The following PIK3C2G variants were observed in gnomAD, a reference collection of about 807,000 sequenced individuals.
PIK3C2G encodes phosphatidylinositol 3-kinase C2 domain-containing subunit gamma.
Under a neutral mutation model 181.1 loss-of-function variants are expected in PIK3C2G, and 168 were observed. The observed-to-expected ratio is 0.93, with a 90% CI of 0.82 to 1.05. The LOEUF (loss-of-function observed/expected upper bound fraction) is 1.05. Ranked by LOEUF, PIK3C2G falls within the 50% of genes least tolerant of loss-of-function variation. PIK3C2G has a pLI of 0.00. For missense variants in PIK3C2G, 1,869 were observed against 1,732.8 expected, an observed-to-expected ratio of 1.08 and a Z score of -1.40; for synonymous variants, 573 against 592.2, an observed-to-expected ratio of 0.97 and a Z score of 0.47.
At position 18,443,916 on chromosome 12, in the gene PIK3C2G, C is replaced by G. The variant is rs186168131; in HGVS notation, c.2504+19877C>G. Among the ~76,000 whole-genome samples the G allele has an allele frequency of 2.6e-5, 4 of 152,298 alleles. No individual in the cohort carries two copies. In the East Asian group the frequency reaches 7.7e-4, roughly 29 times the overall value. ...CCTTGACGCCCAAGAATTATTCACA[C>G]AGTTGCCACTTCAACATTCCCAATT... is the stretch of plus-strand genomic sequence containing the variant. On this transcript the variant is annotated intron_variant, in intron 18 of 32. Coordinates refer to ENST00000538779, the MANE Select transcript of PIK3C2G (RefSeq NM_001288772.2).
At chr12:18,553,518 G>A (rs1228413168) in intron 26 of PIK3C2G, among the ~76,000 whole-genome samples, 2 of 152,058 alleles carry the variant, frequency 1.3e-5, no homozygotes, top group Non-Finnish European at 2.9e-5. Flanking sequence ...TTTGAATGCA[G>A]TTTGGTGCCT....
intron 18 of PIK3C2G, chr12:18,425,201 C>T (rs1487588014): frequency 1.3e-5 from 2 of 157,526 alleles, no homozygotes; most frequent in Non-Finnish European, 2.8e-5. Context: ...AAATAGATTT[C>T]TCAATAATGT....
intron 18 of PIK3C2G, among the ~76,000 whole-genome samples, chr12:18,478,254 A>G (rs1016584955): frequency 1.3e-5 from 2 of 152,148 alleles, no homozygotes; most frequent in African/African-American, 4.8e-5. Flanking sequence ...TTAATTATAT[A>G]TCAAGCAAAA....
At chr12:18,337,439 T>C (rs541568303) in intron 8 of PIK3C2G, among the ~76,000 whole-genome samples, 1 of 152,250 alleles carries the variant, frequency 6.6e-6, no homozygotes, top group East Asian at 1.9e-4. Context: ...CATTTTTGTG[T>C]TGCTATAAAG....
intron 2 of PIK3C2G, among the ~76,000 whole-genome samples, chr12:18,284,220 T>G (rs1173316621): frequency 1.3e-5 from 2 of 152,098 alleles, no homozygotes; most frequent in Non-Finnish European, 2.9e-5. Context: ...CGCAGAAATT[T>G]GGGCCAAATT....
intron 29 of PIK3C2G, among the ~76,000 whole-genome samples, chr12:18,579,709 G>C (rs1389789841): frequency 6.6e-6 from 1 of 152,120 alleles, no homozygotes; most frequent in Non-Finnish European, 1.5e-5. Flanking sequence ...ATGGATTTAA[G>C]CTTTTTTTCT....
rs373054205 is a variant in PIK3C2G at position 18,539,656 on chromosome 12, C to G, written c.3480+1344C>G. 9.4e-4 allele frequency among the ~76,000 whole-genome samples: 143 copies of G among 151,956 alleles called. 1 individual carries two copies. The highest frequency in any genetic ancestry group is 8.7e-3 in the South Asian group (42 of 4,816). ...AAACTTCCATCACCACAGAAAAGTTCCATTGGTTAGTACAGAACAAATGTT... is the reference window on the plus strand; with the variant it reads ...AAACTTCCATCACCACAGAAAAGTTGCATTGGTTAGTACAGAACAAATGTT... On this transcript the variant is annotated intron_variant, in intron 25 of 32. Coordinates refer to ENST00000538779, the MANE Select transcript of PIK3C2G (RefSeq NM_001288772.2).
chr12:18,353,144 T>C (rs186252675), intron 11 of PIK3C2G, among the ~76,000 whole-genome samples: 29 of 152,186 alleles, frequency 1.9e-4, no homozygotes, highest in Non-Finnish European at 4.0e-4. Context: ...CATTAAAATA[T>C]GGAAGATGAC....
At chr12:18,716,050 G>C in the PIK3C2G span, among the ~76,000 whole-genome samples, 2 of 152,186 alleles carry the variant, frequency 1.3e-5, no homozygotes, top group African/African-American at 4.8e-5. Flanking sequence ...TTGGCTTACG[G>C]ATTTATTTAT....
At chr12:18,625,585 G>A (rs948148341) in intron 31 of PIK3C2G, among the ~76,000 whole-genome samples, 2 of 151,746 alleles carry the variant, frequency 1.3e-5, no homozygotes, top group East Asian at 1.9e-4. Flanking sequence ...TTAATTTTCT[G>A]TATGGATGAT....
chr12:18,626,278 A>G (rs1949093198), intron 31 of PIK3C2G, among the ~76,000 whole-genome samples: 1 of 151,972 alleles, frequency 6.6e-6, no homozygotes, highest in Non-Finnish European at 1.5e-5. Context: ...ATAACAATGT[A>G]ACTTTCATTG....
chr12:18,257,019 A>T (rs937014793), upstream of PIK3C2G, among the ~76,000 whole-genome samples: 5 of 152,140 alleles, frequency 3.3e-5, no homozygotes, highest in African/African-American at 1.2e-4. Context: ...CTCTGGATTC[A>T]GGGAAACAGC....
intron 30 of PIK3C2G, among the ~76,000 whole-genome samples, chr12:18,598,590 A>G (rs1226419014): frequency 1.3e-5 from 2 of 151,330 alleles, no homozygotes; most frequent in South Asian, 2.1e-4. Context: ...AGGCATGGGC[A>G]AGGACTTCAT....
chr12:18,688,039 T>A, the PIK3C2G span: 1 of 1,598,966 alleles, frequency 6.3e-7, no homozygotes, highest in African/African-American at 1.3e-5. Context: ...TTTGTAAGCT[T>A]TCCAACAAGA....
At chr12:18,699,465 C>G in the PIK3C2G span, among the ~76,000 whole-genome samples, 1 of 152,226 alleles carries the variant, frequency 6.6e-6, no homozygotes, top group South Asian at 2.1e-4. Context: ...AAAGTTCAAG[C>G]CTTCTAATTC....
the PIK3C2G span, chr12:18,683,188 G>T: frequency 6.9e-7 from 1 of 1,444,556 alleles, no homozygotes; most frequent in Non-Finnish European, 9.7e-7. Flanking sequence ...CATTCATTTT[G>T]GCTGTTTTAT....
chr12:18,648,982 A>G (rs752667459), downstream of PIK3C2G, among the ~76,000 whole-genome samples: 1 of 152,222 alleles, frequency 6.6e-6, no homozygotes, highest in African/African-American at 2.4e-5. Flanking sequence ...CACCTCCTCT[A>G]TATCATATGA....
intron 6 of PIK3C2G, among the ~76,000 whole-genome samples, chr12:18,319,876 C>T (rs1473885518): frequency 6.6e-6 from 1 of 152,128 alleles, no homozygotes; most frequent in Non-Finnish European, 1.5e-5. Flanking sequence ...CCCAGTGACT[C>T]TATATGTAAA....
chr12:18,705,836 AG>A, the PIK3C2G span, among the ~76,000 whole-genome samples: 1 of 152,100 alleles, frequency 6.6e-6, no homozygotes, highest in Non-Finnish European at 1.5e-5. Flanking sequence ...ATTGCATTCC[AG>A]CCTGGGTGAC....
Sources: allele counts gnomAD v4.1 joint callset (sites outside exome capture counted in the v4.1 genomes callset), GRCh38; gene constraint gnomAD v4.1.1; transcripts MANE v1.5; gene names NCBI Gene and HGNC (gene_info 2026-07-23, HGNC 2026-07-21).